NT5C2: variants seen among roughly 807,000 people sequenced by gnomAD.
NT5C2 encodes the protein cytosolic purine 5'-nucleotidase.
A neutral mutation model predicts 76.1 loss-of-function variants in NT5C2; 58 were observed. The observed-to-expected ratio is 0.76, with a 90% CI of 0.62 to 0.95. The LOEUF (loss-of-function observed/expected upper bound fraction) is 0.95, where lower values mean the gene tolerates loss of function less well. Among genes scored for constraint, NT5C2 ranks in the 40% least tolerant of loss-of-function variants. The pLI, the probability that NT5C2 is intolerant of heterozygous loss-of-function variation, is 0.00. For synonymous variants in NT5C2, 229 were observed against 237.4 expected, an observed-to-expected ratio of 0.96 and a Z score of 0.32; for missense variants, 478 against 690.3, an observed-to-expected ratio of 0.69 and a Z score of 3.45.
intron 1 of NT5C2, among the ~76,000 whole-genome samples, chr10:103,188,078 C>T (rs778059873): frequency 3.9e-5 from 6 of 152,144 alleles, no homozygotes; most frequent in African/African-American, 1.2e-4. Flanking sequence ...TAAAATAGGG[C>T]GGACGCGGTG....
intron 3 of NT5C2, among the ~76,000 whole-genome samples, chr10:103,167,774 G>T (rs2086785078): frequency 6.6e-6 from 1 of 151,952 alleles, no homozygotes; most frequent in Admixed American, 6.6e-5. Flanking sequence ...CAGGACTACA[G>T]GTGCACACCA....
intron 2 of NT5C2, among the ~76,000 whole-genome samples, chr10:103,177,223 A>T (rs2090151844): frequency 6.6e-6 from 1 of 152,218 alleles, no homozygotes; most frequent in East Asian, 1.9e-4. Context: ...AAAGACTATG[A>T]ACAAAAAGAA....
chr10:103,171,127 A>C (rs968712535), intron 3 of NT5C2, among the ~76,000 whole-genome samples: 2 of 152,158 alleles, frequency 1.3e-5, no homozygotes, highest in African/African-American at 4.8e-5. Flanking sequence ...TAATGTTTTC[A>C]CTTTTTCAGG....
intron 3 of NT5C2, among the ~76,000 whole-genome samples, chr10:103,166,484 T>C (rs2086417326): frequency 6.6e-6 from 1 of 152,214 alleles, no homozygotes; most frequent in East Asian, 1.9e-4. Context: ...TACTGCTGAA[T>C]AGAATTCCAT....
At chr10:103,147,636 T>C (rs1297587431) in intron 3 of NT5C2, among the ~76,000 whole-genome samples, 2 of 152,232 alleles carry the variant, frequency 1.3e-5, no homozygotes, top group African/African-American at 4.8e-5. Context: ...TATGTTGTCA[T>C]AGACATAAAA....
chr10:103,148,362 G>A (rs534512268), intron 3 of NT5C2, among the ~76,000 whole-genome samples: 2 of 152,332 alleles, frequency 1.3e-5, no homozygotes, highest in South Asian at 4.1e-4. Flanking sequence ...CAGCACTTTG[G>A]GAGGCTGAGG....
At chr10:103,167,071 A>G (rs1032292642) in intron 3 of NT5C2, among the ~76,000 whole-genome samples, 1 of 150,246 alleles carries the variant, frequency 6.7e-6, no homozygotes, top group African/African-American at 2.5e-5. Context: ...GCTGGAGTGC[A>G]GTGGTAAAAT....
At chr10:103,094,163 A>C (rs2067605656) in intron 13 of NT5C2, 125 bp from the exon 14 acceptor site, 1 of 668,828 alleles carries the variant, frequency 1.5e-6, no homozygotes, top group Non-Finnish European at 2.5e-6. Context: ...AATGAATGGC[A>C]CTTACTCTTT....
chr10:103,189,604 CA>C (rs1179878587), intron 1 of NT5C2, among the ~76,000 whole-genome samples: 64 of 82,490 alleles, frequency 7.8e-4, no homozygotes, highest in Admixed American at 2.1e-3. Flanking sequence ...GACTCCATCT[CA>C]AAAAAAAAAA....
At chr10:103,114,303 G>A (rs540059319) in intron 4 of NT5C2, among the ~76,000 whole-genome samples, 3 of 152,278 alleles carry the variant, frequency 2.0e-5, no homozygotes, top group African/African-American at 2.4e-5. Context: ...CACACCTGTC[G>A]TGGTGGCACG....
At chr10:103,138,093 A>G (rs2079632923) in intron 4 of NT5C2, among the ~76,000 whole-genome samples, 1 of 152,248 alleles carries the variant, frequency 6.6e-6, no homozygotes, top group Admixed American at 6.5e-5. Flanking sequence ...ATCTACACAG[A>G]CTAAGGATTC....
chr10:103,125,774 C>T (rs1490362611), intron 4 of NT5C2, among the ~76,000 whole-genome samples: 1 of 152,176 alleles, frequency 6.6e-6, no homozygotes, highest in Non-Finnish European at 1.5e-5. Flanking sequence ...TTTCTATTTT[C>T]ACTCCATTGT....
chr10:103,187,736 C>G (rs10883843), intron 1 of NT5C2, among the ~76,000 whole-genome samples: 47,284 of 151,832 alleles, frequency 0.31, 7,490 homozygotes, highest in Middle Eastern at 0.36. Context: ...TAGCAGCTCT[C>G]AAACAAACTA....
intron 4 of NT5C2, among the ~76,000 whole-genome samples, chr10:103,111,242 C>T (rs991042802): frequency 1.3e-5 from 2 of 152,156 alleles, no homozygotes; most frequent in Non-Finnish European, 2.9e-5. Context: ...TATTTCTTCT[C>T]CCAGAAGGTA....
intron 2 of NT5C2, among the ~76,000 whole-genome samples, chr10:103,176,339 T>C (rs2089936050): frequency 6.6e-6 from 1 of 152,156 alleles, no homozygotes; most frequent in South Asian, 2.1e-4. Flanking sequence ...CTCCTCGCCT[T>C]GGCCCTACCT....
intron 1 of NT5C2, among the ~76,000 whole-genome samples, chr10:103,182,416 C>G (rs1309204113): frequency 6.6e-6 from 1 of 152,030 alleles, no homozygotes; most frequent in East Asian, 1.9e-4. Context: ...GCGGGTGGAT[C>G]ATCTGAGGTC....
In NT5C2 at chr10:103,168,846, A is replaced by G. The variant is rs183967706; in HGVS notation, c.101+6012T>C. ...TTCTTCTAAAGGGAAATTGTAAAGC[A>G]TCACATACGATGTATACTTTGTGAT... On this transcript the variant is annotated intron_variant, in intron 3 of 18. Transcript: ENST00000404739. 3.9e-5 allele frequency among the ~76,000 whole-genome samples: 6 copies of G among 152,372 alleles called. No individual in the cohort carries two copies. In the East Asian group the frequency reaches 1.2e-3, roughly 29 times the overall value.
At chr10:103,182,392 T>C (rs2091226687) in intron 1 of NT5C2, among the ~76,000 whole-genome samples, 1 of 152,066 alleles carries the variant, frequency 6.6e-6, no homozygotes, top group African/African-American at 2.4e-5. Context: ...ATCCCAGCAC[T>C]TTGGGAAGCC....
At chr10:103,107,018 C>T (rs2071465387) in intron 4 of NT5C2, among the ~76,000 whole-genome samples, 1 of 151,972 alleles carries the variant, frequency 6.6e-6, no homozygotes. Flanking sequence ...TTCATTCCCA[C>T]AGTTTAAAAA....
Sources: gnomAD v4.1 joint callset for allele counts (sites outside exome capture counted in the v4.1 genomes callset) on GRCh38, gnomAD v4.1.1 for gene constraint, MANE v1.5 for transcripts, NCBI Gene and HGNC (gene_info 2026-07-23, HGNC 2026-07-21) for gene names.